The following ZBTB7C variants were observed in gnomAD, a reference collection of about 807,000 sequenced individuals.
The protein encoded by ZBTB7C is zinc finger and BTB domain containing 7C, also known as zinc finger and BTB domain-containing protein 7C.
In ZBTB7C, 8 loss-of-function variants were observed where a neutral mutation model predicts 25.7. That is an observed-to-expected ratio of 0.31 (90% CI 0.18 to 0.56). ZBTB7C has a LOEUF of 0.56. ZBTB7C is among the 20% of genes least tolerant of loss of function. ZBTB7C has a pLI of 0.91. For synonymous variants in ZBTB7C, 394 were observed against 369.0 expected, an observed-to-expected ratio of 1.07 and a Z score of -0.78; for missense variants, 824 against 855.2, an observed-to-expected ratio of 0.96 and a Z score of 0.46.
At chr18:48,377,472 T>C (rs1487270634) in intron 1 of ZBTB7C, among the ~76,000 whole-genome samples, 5 of 152,058 alleles carry the variant, frequency 3.3e-5, no homozygotes, top group Non-Finnish European at 5.9e-5. Context: ...AAAGGACAAA[T>C]AAGAGAAAAC....
At chr18:48,342,964 C>G (rs1330453534) in intron 1 of ZBTB7C, among the ~76,000 whole-genome samples, 1 of 152,172 alleles carries the variant, frequency 6.6e-6, no homozygotes, top group Non-Finnish European at 1.5e-5. Context: ...TGAATTCATA[C>G]TTAGTGACCC....
At chr18:48,295,576 G>A (rs1439349458) in intron 2 of ZBTB7C, among the ~76,000 whole-genome samples, 1 of 152,028 alleles carries the variant, frequency 6.6e-6, no homozygotes, top group Non-Finnish European at 1.5e-5. Context: ...AGCTGAGGAA[G>A]TCAGGCACAA....
intron 3 of ZBTB7C, among the ~76,000 whole-genome samples, chr18:48,049,116 T>G (rs1300770487): frequency 6.6e-6 from 1 of 152,212 alleles, no homozygotes; most frequent in Non-Finnish European, 1.5e-5. Context: ...AAAAAGATTC[T>G]CAACCTCTTG....
intron 1 of ZBTB7C, among the ~76,000 whole-genome samples, chr18:48,356,823 A>C (rs2046987244): frequency 6.6e-6 from 1 of 152,252 alleles, no homozygotes; most frequent in Non-Finnish European, 1.5e-5. Context: ...AGTGACTGGC[A>C]TTCCCTGACC....
intron 3 of ZBTB7C, among the ~76,000 whole-genome samples, chr18:48,101,262 T>G (rs9964359): frequency 0.58 from 88,808 of 152,070 alleles, 26,162 homozygotes; most frequent in South Asian, 0.67. Context: ...TGCCAATCAT[T>G]GTATGCTCCT....
At chr18:48,167,563 G>GGTGTGTGTGTGTGTGTGT (rs748451365) in intron 3 of ZBTB7C, among the ~76,000 whole-genome samples, 10 of 142,578 alleles carry the variant, frequency 7.0e-5, no homozygotes, top group South Asian at 2.3e-4. Flanking sequence ...GCATTGCTAG[G>GGTGTGTGTGTGTGTGTGT]GTGTGTGTGT....
At chr18:48,122,955 G>A (rs1022383025) in intron 3 of ZBTB7C, among the ~76,000 whole-genome samples, 2 of 152,144 alleles carry the variant, frequency 1.3e-5, no homozygotes, top group Non-Finnish European at 2.9e-5. Flanking sequence ...ATTCCCTCTT[G>A]GACTCTGACT....
intron 3 of ZBTB7C, among the ~76,000 whole-genome samples, chr18:48,085,683 T>A: frequency 6.6e-6 from 1 of 152,222 alleles, no homozygotes; most frequent in East Asian, 1.9e-4. Flanking sequence ...ACATTAGCTA[T>A]CAATATTATC....
chr18:48,262,821 G>C (rs147724302), intron 2 of ZBTB7C, among the ~76,000 whole-genome samples: 20 of 152,272 alleles, frequency 1.3e-4, no homozygotes, highest in Non-Finnish European at 2.9e-4. Context: ...CCAGCCTACA[G>C]AGCATGCCCC....
chr18:48,029,692 C>T lies in ZBTB7C; in HGVS notation c.1428G>A (p.Arg476=). Residue 476 remains arginine, a synonymous_variant, in exon 5 of 5, where the codon CGG becomes CGA. Transcript: ENST00000590800. ...CAGCAGGCTTGCGGCCGCGTCGGGG[C>T]CGTGCCATGCGGCAGCTCTGGCGCT... ...HIKRQSCRMA[R]PRRGRKPAAW... is the part of the protein sequence containing the mutation. The T allele has an allele frequency of 2.5e-6, 4 of 1,595,768 alleles. No individual in the cohort carries two copies. The highest frequency in any genetic ancestry group is 2.6e-6 in the Non-Finnish European group (3 of 1,176,326).
At chr18:48,359,650 G>A (rs1446970957) in intron 1 of ZBTB7C, among the ~76,000 whole-genome samples, 1 of 152,200 alleles carries the variant, frequency 6.6e-6, no homozygotes, top group Non-Finnish European at 1.5e-5. Context: ...AGCTGGTGGT[G>A]TTAGTTCTGC....
intron 3 of ZBTB7C, among the ~76,000 whole-genome samples, chr18:48,055,334 C>T (rs2036868755): frequency 6.8e-6 from 1 of 148,052 alleles, no homozygotes; most frequent in African/African-American, 2.5e-5. Flanking sequence ...CGCTGGAACC[C>T]AGGAGGCAGA....
chr18:48,153,369 T>C (rs539925275), intron 3 of ZBTB7C, among the ~76,000 whole-genome samples: 4 of 152,164 alleles, frequency 2.6e-5, no homozygotes, highest in Admixed American at 6.5e-5. Flanking sequence ...GGTCAGCTAA[T>C]AGAGGGAGAG....
At chr18:48,114,387 A>C (rs972794809) in intron 3 of ZBTB7C, among the ~76,000 whole-genome samples, 9 of 152,118 alleles carry the variant, frequency 5.9e-5, no homozygotes, top group Admixed American at 5.9e-4. Context: ...GGATCATTTG[A>C]GATCAGGAGT....
intron 3 of ZBTB7C, among the ~76,000 whole-genome samples, chr18:48,101,655 T>C (rs750739045): frequency 5.3e-5 from 8 of 152,230 alleles, no homozygotes; most frequent in African/African-American, 1.9e-4. Context: ...ATCAAGTAGA[T>C]ACTATTATGC....
chr18:48,107,626 G>A (rs1456985207), intron 3 of ZBTB7C, among the ~76,000 whole-genome samples: 2 of 152,122 alleles, frequency 1.3e-5, no homozygotes, highest in East Asian at 3.9e-4. Context: ...GTGGCCTCTG[G>A]GAGGAGAACC....
chr18:48,029,063 T>A lies in ZBTB7C; in HGVS notation c.*197A>T. 2 of 763,820 alleles carry A rather than the reference T, an allele frequency of 2.6e-6. No individual in the cohort carries two copies. The highest frequency in any genetic ancestry group is 3.9e-6 in the Non-Finnish European group (2 of 517,724). 47.3% of individuals were successfully genotyped at this position (763,820 alleles called of 1,614,324 possible). ...GGGCTCCTGGCCTTTTGGGAAAAGA[T>A]GCCCGTCTCAGACCAGCAAAAGGAG... On this transcript the variant is annotated 3_prime_UTR_variant, in exon 5 of 5. Transcript: ENST00000590800.
intron 2 of ZBTB7C, among the ~76,000 whole-genome samples, chr18:48,322,370 C>G (rs965561804): frequency 6.6e-6 from 1 of 152,196 alleles, no homozygotes; most frequent in Non-Finnish European, 1.5e-5. Flanking sequence ...CAATCCCAGA[C>G]CTCACCACCA....
At chr18:48,178,316 A>T (rs1310997170) in intron 3 of ZBTB7C, among the ~76,000 whole-genome samples, 1 of 152,150 alleles carries the variant, frequency 6.6e-6, no homozygotes, top group Non-Finnish European at 1.5e-5. Flanking sequence ...CATCTCAGGG[A>T]GGGCATCTCA....
Sources: gnomAD v4.1 joint callset for allele counts (sites outside exome capture counted in the v4.1 genomes callset) on GRCh38, gnomAD v4.1.1 for gene constraint, MANE v1.5 for transcripts, NCBI Gene and HGNC (gene_info 2026-07-23, HGNC 2026-07-21) for gene names.